Variants in MECOM observed in about 807,000 individuals in gnomAD.
The protein encoded by MECOM is histone-lysine N-methyltransferase MECOM.
In MECOM, 13 loss-of-function variants were observed where a neutral mutation model predicts 116.3. The observed-to-expected ratio is 0.11, with a 90% CI of 0.07 to 0.18. MECOM has a LOEUF of 0.18. Ranked by LOEUF, MECOM falls within the 10% of genes least tolerant of loss-of-function variation. The probability of loss-of-function intolerance (pLI) is 1.00; values close to 1 mark genes in which losing one functional copy is unlikely to be tolerated. For synonymous variants in MECOM, 528 were observed against 535.2 expected (o/e 0.99, Z 0.19); for missense variants, 1,299 against 1,509.0 (o/e 0.86, Z 2.31).
intron 1 of MECOM, among the ~76,000 whole-genome samples, chr3:169,427,303 T>C (rs1291262592): frequency 6.6e-6 from 1 of 152,154 alleles, no homozygotes; most frequent in Non-Finnish European, 1.5e-5. Context: ...TAATGTAGTA[T>C]AATAGCTTTG....
At chr3:169,103,950 A>G (rs1015265818) in intron 10 of MECOM, among the ~76,000 whole-genome samples, 1 of 152,150 alleles carries the variant, frequency 6.6e-6, no homozygotes, top group Non-Finnish European at 1.5e-5. Context: ...ACAAATTGCA[A>G]CGTACAGGGT....
At chr3:169,520,004 C>T (rs74406423) in intron 1 of MECOM, among the ~76,000 whole-genome samples, 2,386 of 152,318 alleles carry the variant, frequency 0.016, 63 homozygotes, top group African/African-American at 0.055. Flanking sequence ...ACGACCCAAG[C>T]CAGGCCAAAG....
At chr3:169,458,007 G>A (rs536104248) in intron 1 of MECOM, among the ~76,000 whole-genome samples, 1 of 152,292 alleles carries the variant, frequency 6.6e-6, no homozygotes, top group South Asian at 2.1e-4. Flanking sequence ...GGCAGGCTTG[G>A]ACTTAAAGCA....
At chr3:169,598,778 A>G (rs1767463072) in intron 1 of MECOM, among the ~76,000 whole-genome samples, 1 of 152,182 alleles carries the variant, frequency 6.6e-6, no homozygotes. Flanking sequence ...AGATCAGATC[A>G]GCTAGCAAAG....
At chr3:169,596,421 T>C (rs1425016983) in intron 1 of MECOM, among the ~76,000 whole-genome samples, 1 of 152,228 alleles carries the variant, frequency 6.6e-6, no homozygotes, top group African/African-American at 2.4e-5. Flanking sequence ...ATTGAAATCC[T>C]TGGTTAGTTC....
At chr3:169,268,170 T>C (rs1305705724) in intron 2 of MECOM, among the ~76,000 whole-genome samples, 1 of 152,212 alleles carries the variant, frequency 6.6e-6, no homozygotes. Context: ...TGGAAAATCT[T>C]TGATAGCTTT....
intron 1 of MECOM, among the ~76,000 whole-genome samples, chr3:169,584,370 CT>C (rs879612596): frequency 2.0e-5 from 3 of 151,148 alleles, no homozygotes; most frequent in East Asian, 3.9e-4. Flanking sequence ...TAGAGACCAT[CT>C]TGGCTAACAC....
intron 1 of MECOM, among the ~76,000 whole-genome samples, chr3:169,419,222 C>T (rs889941929): frequency 6.6e-6 from 1 of 152,106 alleles, no homozygotes; most frequent in African/African-American, 2.4e-5. Flanking sequence ...CAACTACAAA[C>T]CACGGCTCAA....
At chr3:169,242,495 T>C (rs1255868605) in intron 2 of MECOM, among the ~76,000 whole-genome samples, 1 of 152,186 alleles carries the variant, frequency 6.6e-6, no homozygotes, top group Non-Finnish European at 1.5e-5. Flanking sequence ...AGGAGCCGGC[T>C]GCTGGAAGAC....
At chr3:169,190,899 T>C (rs2149420915) in intron 2 of MECOM, among the ~76,000 whole-genome samples, 1 of 152,144 alleles carries the variant, frequency 6.6e-6, no homozygotes, top group African/African-American at 2.4e-5. Flanking sequence ...GCCAATTATG[T>C]TGTATATCAA....
chr3:169,333,919 T>C (rs924101016), intron 2 of MECOM, among the ~76,000 whole-genome samples: 7 of 142,996 alleles, frequency 4.9e-5, no homozygotes, highest in African/African-American at 1.8e-4. Flanking sequence ...CTCCCTTCCT[T>C]CCTTCTTTCT....
At chr3:169,561,045 G>A (rs1445536402) in intron 1 of MECOM, among the ~76,000 whole-genome samples, 1 of 151,594 alleles carries the variant, frequency 6.6e-6, no homozygotes, top group African/African-American at 2.4e-5. Context: ...AATCCAAATG[G>A]TAATAAAATG....
intron 1 of MECOM, among the ~76,000 whole-genome samples, chr3:169,571,080 A>T (rs1057500042): frequency 6.6e-6 from 1 of 152,230 alleles, no homozygotes; most frequent in African/African-American, 2.4e-5. Context: ...AGAATTGTAT[A>T]TTTAGAAAAC....
intron 1 of MECOM, among the ~76,000 whole-genome samples, chr3:169,395,030 A>G (rs913672123): frequency 6.6e-6 from 1 of 152,234 alleles, no homozygotes; most frequent in Non-Finnish European, 1.5e-5. Context: ...AGCATTATAT[A>G]CATCAGGTCA....
At chr3:169,140,407 T>C (rs560526724) in intron 3 of MECOM, among the ~76,000 whole-genome samples, 2 of 152,122 alleles carry the variant, frequency 1.3e-5, no homozygotes, top group East Asian at 3.9e-4. Context: ...TGTGACTCAA[T>C]TGACTAGTGT....
At chr3:169,146,790 A>C (rs1473194060) in intron 2 of MECOM, 1 of 1,137,626 alleles carries the variant, frequency 8.8e-7, no homozygotes, top group East Asian at 6.1e-5. Flanking sequence ...TAAACAAAAT[A>C]AAATAATCAG....
At chr3:169,293,798 T>C (rs1715070337) in intron 2 of MECOM, among the ~76,000 whole-genome samples, 1 of 152,222 alleles carries the variant, frequency 6.6e-6, no homozygotes, top group Admixed American at 6.5e-5. Flanking sequence ...TCAGCTTATA[T>C]TTATTGAATC....
At chr3:169,375,041 A>G (rs900537947) in intron 2 of MECOM, among the ~76,000 whole-genome samples, 1 of 152,024 alleles carries the variant, frequency 6.6e-6, no homozygotes, top group African/African-American at 2.4e-5. Context: ...TCTAAAGAAA[A>G]GAAGAGGAAG....
At chr3:169,093,192 C>T (rs12634348) in intron 13 of MECOM, 90 bp from the exon 14 acceptor site, 477,779 of 1,344,862 alleles carry the variant, frequency 0.36, 87,518 homozygotes, top group South Asian at 0.49. Flanking sequence ...TTGATCAGTG[C>T]TGTTTCTTAA....
Sources: allele counts gnomAD v4.1 joint callset (sites outside exome capture counted in the v4.1 genomes callset), GRCh38; gene constraint gnomAD v4.1.1; transcripts MANE v1.5; gene names NCBI Gene and HGNC (gene_info 2026-07-23, HGNC 2026-07-21).